EML5: variants seen among roughly 807,000 people sequenced by gnomAD.
The protein encoded by EML5 is EMAP like 5.
A neutral mutation model predicts 250.0 loss-of-function variants in EML5; 120 were observed. That is an observed-to-expected ratio of 0.48 (90% confidence interval 0.41 to 0.56). The LOEUF is 0.56. Ranked by LOEUF, EML5 falls within the 20% of genes least tolerant of loss-of-function variation. The pLI is 0.00. For missense variants in EML5, 2,006 were observed against 2,437.6 expected (o/e 0.82, Z 3.73); for synonymous variants, 771 against 806.5 (o/e 0.96, Z 0.75).
At chr14:88,759,901 C>T (rs1406944378) in intron 1 of EML5, among the ~76,000 whole-genome samples, 1 of 152,088 alleles carries the variant, frequency 6.6e-6, no homozygotes, top group Non-Finnish European at 1.5e-5. Flanking sequence ...CCAGTTGCTC[C>T]ACATTCCTAC....
chr14:88,727,876 C>T (rs979992789), intron 7 of EML5, among the ~76,000 whole-genome samples: 2 of 152,044 alleles, frequency 1.3e-5, no homozygotes, highest in African/African-American at 4.8e-5. Context: ...GACCACAATG[C>T]TAGAAATCAA....
Position 88,631,811 on chromosome 14 carries a change from T to C in EML5, c.4357+2658A>G, listed in dbSNP as rs142459678. On this transcript the variant is annotated intron_variant, in intron 33 of 43. Coordinates refer to ENST00000554922, the MANE Select transcript of EML5 (RefSeq NM_183387.3). Reference sequence around the variant, plus strand: ...CAAAACAGAAAAACCCAAAGTGCTATGATTACAGGTGTGAGCTACTGCGCC... The same window carrying C: ...CAAAACAGAAAAACCCAAAGTGCTACGATTACAGGTGTGAGCTACTGCGCC... Among the ~76,000 whole-genome samples the C allele has an allele frequency of 7.9e-5, 12 of 152,162 alleles. No individual in the cohort carries two copies. In the East Asian group the frequency reaches 2.1e-3, roughly 27 times the overall value.
intron 36 of EML5, chr14:88,622,957 T>C (rs1167591097): frequency 2.7e-6 from 1 of 374,522 alleles, no homozygotes; most frequent in African/African-American, 2.1e-5. Flanking sequence ...TTTTCTGACA[T>C]GAGCATAATT....
In EML5 at chr14:88,616,875, G is replaced by C; in HGVS notation, c.5647C>G (p.Leu1883Val). 1 of 1,613,360 alleles carries C rather than the reference G, an allele frequency of 6.2e-7. No homozygotes were observed. The highest frequency in any genetic ancestry group is 8.5e-7 in the Non-Finnish European group (1 of 1,179,610). The change falls in exon 42 of 44, where the codon CTA becomes GTA. Residue 1883 changes from leucine to valine, a missense_variant. This residue lies in a region of EML5 where 405 missense variants were observed against 523.3 expected (regional missense o/e 0.77). Coordinates refer to ENST00000554922, the MANE Select transcript of EML5 (RefSeq NM_183387.3). Reference protein sequence around the residue: ...RITWATWTSILGDEVLGIWSR... With the variant: ...RITWATWTSIVGDEVLGIWSR... ...CAGATTCCCAAAACCTCATCTCCTAGAATACTAGAGGGAAGGAACAAAAGA... is the reference window on the plus strand; with the variant it reads ...CAGATTCCCAAAACCTCATCTCCTACAATACTAGAGGGAAGGAACAAAAGA...
intron 37 of EML5, chr14:88,621,611 A>G: frequency 2.5e-6 from 1 of 392,400 alleles, no homozygotes; most frequent in Non-Finnish European, 4.6e-6. Context: ...AACTGGGGTC[A>G]GTGCAGTGGG....
intron 15 of EML5, among the ~76,000 whole-genome samples, chr14:88,696,330 A>T (rs1461900985): frequency 6.6e-6 from 1 of 152,108 alleles, no homozygotes; most frequent in Non-Finnish European, 1.5e-5. Context: ...CCGTAGATCT[A>T]TCTGTAGTGG....
intron 21 of EML5, among the ~76,000 whole-genome samples, chr14:88,680,604 A>T (rs371629487): frequency 2.6e-5 from 4 of 152,294 alleles, no homozygotes; most frequent in East Asian, 1.9e-4. Context: ...CATTAACTGT[A>T]CTCATTATAG....
At chr14:88,776,698 T>C (rs1369362946) in intron 1 of EML5, among the ~76,000 whole-genome samples, 2 of 147,586 alleles carry the variant, frequency 1.4e-5, no homozygotes, top group African/African-American at 5.2e-5. Flanking sequence ...GTGCGTAACA[T>C]GGCAAAACCC....
At chr14:88,721,027 T>C (rs1217129431) in intron 8 of EML5, among the ~76,000 whole-genome samples, 4 of 152,054 alleles carry the variant, frequency 2.6e-5, no homozygotes, top group Non-Finnish European at 5.9e-5. Flanking sequence ...CCATTCACAA[T>C]TGCTACAAAT....
intron 10 of EML5, 112 bp downstream of exon 10, chr14:88,712,159 T>C: frequency 1.4e-6 from 1 of 697,126 alleles, no homozygotes; most frequent in Non-Finnish European, 2.4e-6. Flanking sequence ...CCTTCACCAA[T>C]CAGTGTAATT....
chr14:88,725,379 G>A (rs745885270), intron 8 of EML5, among the ~76,000 whole-genome samples: 3 of 152,170 alleles, frequency 2.0e-5, no homozygotes, highest in Non-Finnish European at 4.4e-5. Flanking sequence ...GAGTCAGCAC[G>A]TGTAGAGGCT....
intron 20 of EML5, among the ~76,000 whole-genome samples, 185 bp downstream of exon 20, chr14:88,684,830 T>C (rs2092795176): frequency 6.6e-6 from 1 of 152,072 alleles, no homozygotes; most frequent in Admixed American, 6.6e-5. Flanking sequence ...TTTTTCTGTA[T>C]ACATTAATTT....
At chr14:88,624,394 T>A (rs1331995547) in intron 36 of EML5, 2 of 152,418 alleles carry the variant, frequency 1.3e-5, no homozygotes, top group African/African-American at 4.8e-5. Flanking sequence ...TGTTTCAACA[T>A]GCATATGACT....
At chr14:88,673,719 TC>T in intron 21 of EML5, among the ~76,000 whole-genome samples, 1 of 152,272 alleles carries the variant, frequency 6.6e-6, no homozygotes, top group East Asian at 1.9e-4. Flanking sequence ...TTACAAGCAT[TC>T]CTATATACCA....
chr14:88,625,105 G>A lies in EML5; in HGVS notation c.4763C>T (p.Thr1588Ile). The change falls in exon 36 of 44, where the codon ACC (threonine) becomes ATC (isoleucine). Residue 1588 changes from threonine (T) to isoleucine (I), a missense_variant. Transcript: ENST00000554922. ...FGANNLTFTGTISGDVCVWKD... is the reference protein window; with the variant it reads ...FGANNLTFTGIISGDVCVWKD... ...CCACACACAGACATCACCACTGATG[G>A]TACCTGTAAACGTCAAGTTATTCTG... 6.2e-7 allele frequency: 1 copy of A among 1,613,784 alleles called. No homozygotes were observed. The highest frequency in any genetic ancestry group is 8.5e-7 in the Non-Finnish European group (1 of 1,179,820).
At chr14:88,774,697 C>T (rs2094430829) in intron 1 of EML5, among the ~76,000 whole-genome samples, 1 of 152,170 alleles carries the variant, frequency 6.6e-6, no homozygotes, top group African/African-American at 2.4e-5. Context: ...TTCTTCATCT[C>T]CCCTACATTA....
chr14:88,671,782 A>G (rs931833277), intron 21 of EML5, among the ~76,000 whole-genome samples: 3 of 152,174 alleles, frequency 2.0e-5, no homozygotes, highest in Non-Finnish European at 4.4e-5. Context: ...TTTTAAACCA[A>G]AAAAGATCAA....
rs140816482 is a variant in EML5 at position 88,622,256 on chromosome 14, C to T, written c.5013+348G>A. On this transcript the variant is annotated intron_variant, in intron 37 of 43. Transcript: ENST00000554922. ...AGTATTTCATTGTTTGTTTACTGCA[C>T]GTTTTATCTAGGGAATGTGTGTTTT... 140 of 186,364 alleles carry T rather than the reference C, an allele frequency of 7.5e-4. 1 individual carries two copies. In the East Asian group the frequency reaches 0.017, roughly 22 times the overall value. The allele number at this position is 186,364 out of a possible 1,614,324, so 11.5% of individuals were successfully genotyped here.
In EML5 at chr14:88,662,560, T is replaced by TTA. The variant is rs1555430097; in HGVS notation, c.3498+470_3498+471insTA. Among the ~76,000 whole-genome samples, 570 of 144,448 alleles carry TTA rather than the reference T, an allele frequency of 3.9e-3. 6 individuals are homozygous for TTA. The highest frequency in any genetic ancestry group is 0.013 in the East Asian group (62 of 4,906). 94.8% of individuals were successfully genotyped at this position (144,448 alleles called of 152,430 possible). A position where few individuals can be genotyped will look rare whatever the true frequency, so the allele number is the denominator to read the frequency against. On this transcript the variant is annotated intron_variant, in intron 24 of 43. Transcript: ENST00000554922. ...TTTATTCCTTTTTTTTTTTTTTTTT[T>TTA]AATACAGGGTCTCACTTTGTCACCC...
Sources: allele counts gnomAD v4.1 joint callset (sites outside exome capture counted in the v4.1 genomes callset), GRCh38; gene constraint gnomAD v4.1.1; regional missense constraint gnomAD v4.1.1; transcripts MANE v1.5; gene names NCBI Gene and HGNC (gene_info 2026-07-23, HGNC 2026-07-21).